Variants in SYT16 observed in about 807,000 individuals in gnomAD.
SYT16 encodes synaptotagmin 16.
A neutral mutation model predicts 61.4 loss-of-function variants in SYT16; 42 were observed. The observed-to-expected ratio is 0.68, with a 90% CI of 0.53 to 0.89. The LOEUF is 0.89. Among genes scored for constraint, SYT16 ranks in the 40% least tolerant of loss-of-function variants. The pLI, the probability that SYT16 is intolerant of heterozygous loss-of-function variation, is 0.00. For missense variants in SYT16, 804 were observed against 807.3 expected (o/e 1.00, Z 0.05); for synonymous variants, 314 against 302.3 (o/e 1.04, Z -0.40).
intron 1 of SYT16, among the ~76,000 whole-genome samples, chr14:61,889,072 G>A (rs971816394): frequency 6.6e-6 from 1 of 152,198 alleles, no homozygotes; most frequent in Non-Finnish European, 1.5e-5. Flanking sequence ...AAGTTGGTAA[G>A]GCAGACTTTA....
chr14:62,060,454 G>A (rs1017402919), intron 3 of SYT16, among the ~76,000 whole-genome samples: 12 of 150,766 alleles, frequency 8.0e-5, no homozygotes, highest in African/African-American at 1.7e-4. Flanking sequence ...TAGGGTTTTA[G>A]TAGATTCCCT....
intron 1 of SYT16, among the ~76,000 whole-genome samples, chr14:61,847,619 C>G (rs918439717): frequency 6.6e-6 from 1 of 152,150 alleles, no homozygotes; most frequent in African/African-American, 2.4e-5. Flanking sequence ...GGGAAGTTCT[C>G]TGTTATTACT....
intron 1 of SYT16, among the ~76,000 whole-genome samples, chr14:61,866,909 G>C (rs2047173407): frequency 6.6e-6 from 1 of 151,724 alleles, no homozygotes; most frequent in Non-Finnish European, 1.5e-5. Flanking sequence ...TTAGATCTGT[G>C]ATGCATTTTA....
At chr14:61,987,112 C>A (rs866681579) in intron 2 of SYT16, among the ~76,000 whole-genome samples, 4 of 151,902 alleles carry the variant, frequency 2.6e-5, no homozygotes, top group Non-Finnish European at 4.4e-5. Context: ...TGGATTATGG[C>A]GGGGGGAAAA....
chr14:62,012,508 T>C (rs1354770847), intron 3 of SYT16, among the ~76,000 whole-genome samples: 1 of 152,186 alleles, frequency 6.6e-6, no homozygotes, highest in Non-Finnish European at 1.5e-5. Flanking sequence ...CTGTGCTATA[T>C]TCTACTGGTT....
chr14:62,076,945 C>T (rs2056518358), intron 5 of SYT16, among the ~76,000 whole-genome samples: 1 of 152,180 alleles, frequency 6.6e-6, no homozygotes, highest in African/African-American at 2.4e-5. Flanking sequence ...CAAAAATACC[C>T]AGACATCTCT....
In SYT16 at chr14:62,081,202, C is replaced by T. The variant is rs371292777; in HGVS notation, c.1362C>T (p.Phe454=). The change falls in exon 6 of 8, where the codon TTC becomes TTT. Residue 454 remains phenylalanine, a synonymous_variant. Transcript: ENST00000683842. ...TRERMMGEKL[F]YLSHLHPEGE... is the part of the protein sequence containing the mutation. Reference sequence around the variant, plus strand: ...AGAGAATGATGGGAGAGAAACTATTCTATCTCAGCCACCTGCACCCAGAAG... The same window carrying T: ...AGAGAATGATGGGAGAGAAACTATTTTATCTCAGCCACCTGCACCCAGAAG... 25 of 1,613,820 alleles carry T rather than the reference C, an allele frequency of 1.5e-5. No homozygotes were observed. In the African/African-American group the frequency reaches 2.0e-4, roughly 13 times the overall value.
chr14:61,876,046 G>A (rs953275325), intron 1 of SYT16, among the ~76,000 whole-genome samples: 2 of 152,182 alleles, frequency 1.3e-5, no homozygotes, highest in Non-Finnish European at 2.9e-5. Flanking sequence ...TGATAGAGTT[G>A]CGTGTTTGTG....
chr14:62,087,501 AAAG>A (rs2056927204), intron 7 of SYT16, among the ~76,000 whole-genome samples: 1 of 152,182 alleles, frequency 6.6e-6, no homozygotes, highest in African/African-American at 2.4e-5. Flanking sequence ...ATGATCACAT[AAAG>A]AATGGTTCTT....
chr14:62,100,568 C>G lies in SYT16; in HGVS notation c.1799C>G (p.Thr600Ser). The G allele has an allele frequency of 6.2e-7, 1 of 1,613,764 alleles. No homozygotes were observed. Among genetic ancestry groups the G allele is most frequent in the South Asian group, 1.1e-5 (1 of 91,066 alleles). ...TLMISVYNRR[T>S]MKRKEMIGWI... ...ATGATTTCCGTTTATAACAGGCGTACTATGAAGCGTAAAGAGATGATTGGC... is the reference window on the plus strand; with the variant it reads ...ATGATTTCCGTTTATAACAGGCGTAGTATGAAGCGTAAAGAGATGATTGGC... Residue 600 changes from threonine to serine, a missense_variant, in exon 8 of 8, where the codon ACT (threonine) becomes AGT (serine). Thr to Ser is a moderately conservative substitution (Grantham distance 58). Transcript: ENST00000683842.
At chr14:61,836,715 A>G (rs1007913450) in intron 1 of SYT16, among the ~76,000 whole-genome samples, 2 of 152,206 alleles carry the variant, frequency 1.3e-5, no homozygotes, top group Non-Finnish European at 2.9e-5. Flanking sequence ...ATAGAGTTAC[A>G]TGGCAGCTTA....
At chr14:61,884,354 T>C (rs1012876623) in intron 1 of SYT16, among the ~76,000 whole-genome samples, 1 of 152,202 alleles carries the variant, frequency 6.6e-6, no homozygotes, top group Non-Finnish European at 1.5e-5. Flanking sequence ...TTAAAGATTG[T>C]TAGAAGTGAT....
chr14:61,973,005 C>A (rs1051461365), intron 2 of SYT16, among the ~76,000 whole-genome samples: 5 of 152,156 alleles, frequency 3.3e-5, no homozygotes, highest in Non-Finnish European at 7.3e-5. Flanking sequence ...CCATCCTACT[C>A]TTAGATTAAA....
intron 1 of SYT16, among the ~76,000 whole-genome samples, chr14:61,835,792 T>C (rs2046109904): frequency 6.6e-6 from 1 of 152,198 alleles, no homozygotes; most frequent in Non-Finnish European, 1.5e-5. Context: ...CAGCAGCACA[T>C]TGATAACAAA....
intron 1 of SYT16, among the ~76,000 whole-genome samples, chr14:61,829,845 G>A (rs186589334): frequency 0.012 from 1,805 of 151,892 alleles, 30 homozygotes; most frequent in African/African-American, 0.041. Flanking sequence ...TAGTATAGAC[G>A]GGGTTTCACC....
intron 1 of SYT16, among the ~76,000 whole-genome samples, chr14:61,922,910 G>T (rs966016631): frequency 1.3e-5 from 2 of 152,058 alleles, no homozygotes; most frequent in African/African-American, 4.8e-5. Flanking sequence ...TTATCTGGGT[G>T]TAGTGGCAGG....
At chr14:61,840,643 G>A (rs1249122148) in intron 1 of SYT16, among the ~76,000 whole-genome samples, 1 of 151,962 alleles carries the variant, frequency 6.6e-6, no homozygotes, top group Non-Finnish European at 1.5e-5. Flanking sequence ...ATGTCATAAA[G>A]CAAAAGTGTA....
chr14:62,030,006 G>A (rs978100454), intron 3 of SYT16, among the ~76,000 whole-genome samples: 3 of 151,962 alleles, frequency 2.0e-5, no homozygotes, highest in African/African-American at 7.3e-5. Context: ...GGCTTCACTT[G>A]CCAGTTGACA....
At position 62,022,818 on chromosome 14, in the gene SYT16, T is replaced by C. The variant is rs192179181; in HGVS notation, c.523+26276T>C. On this transcript the variant is annotated intron_variant, in intron 3 of 7. Coordinates refer to ENST00000683842, the MANE Select transcript of SYT16 (RefSeq NM_001367656.1). ...ATAATTGTGTACTCATTGGCTATGATACTGCCACTGTGCAAAGCTATCAAT... is the reference window on the plus strand; with the variant it reads ...ATAATTGTGTACTCATTGGCTATGACACTGCCACTGTGCAAAGCTATCAAT... Among the ~76,000 whole-genome samples, 61 of 152,244 alleles carry C rather than the reference T, an allele frequency of 4.0e-4. 1 individual carries two copies. In the East Asian group the frequency reaches 0.011, roughly 28 times the overall value.
Sources: gnomAD v4.1 joint callset for allele counts (sites outside exome capture counted in the v4.1 genomes callset) on GRCh38, gnomAD v4.1.1 for gene constraint, MANE v1.5 for transcripts, NCBI Gene and HGNC (gene_info 2026-07-23, HGNC 2026-07-21) for gene names.